Variants in LARP1B observed in about 807,000 individuals in gnomAD.
LARP1B encodes the protein la-related protein 1B.
A neutral mutation model predicts 114.2 loss-of-function variants in LARP1B; 76 were observed. That is an observed-to-expected ratio of 0.67 (90% CI 0.55 to 0.81). The LOEUF (loss-of-function observed/expected upper bound fraction) is 0.81, where lower values mean the gene tolerates loss of function less well. LARP1B is among the 30% of genes least tolerant of loss of function. The probability of loss-of-function intolerance (pLI) is 0.00; values close to 1 mark genes in which losing one functional copy is unlikely to be tolerated. For synonymous variants in LARP1B, 345 were observed against 348.0 expected (o/e 0.99, Z 0.10); for missense variants, 1,014 against 1,075.8 (o/e 0.94, Z 0.80).
At chr4:128,220,338 AT>A in intron 6 of LARP1B, 1 of 930,802 alleles carries the variant, frequency 1.1e-6, no homozygotes, top group Non-Finnish European at 1.3e-6. Context: ...TATTATTTTT[AT>A]TTTATTCTTG....
intron 1 of LARP1B, among the ~76,000 whole-genome samples, chr4:128,070,853 A>G (rs1765009979): frequency 6.6e-6 from 1 of 151,776 alleles, no homozygotes; most frequent in Non-Finnish European, 1.5e-5. Flanking sequence ...TAGTTGATTT[A>G]GAGATTTACC....
chr4:128,192,994 C>G (rs988631422), intron 15 of LARP1B, among the ~76,000 whole-genome samples: 1 of 152,066 alleles, frequency 6.6e-6, no homozygotes, highest in Non-Finnish European at 1.5e-5. Flanking sequence ...CAATAGCTGG[C>G]TAATTTTTAA....
At chr4:128,062,296 C>G (rs1002439157) in intron 1 of LARP1B, 1 of 984,816 alleles carries the variant, frequency 1.0e-6, no homozygotes, top group African/African-American at 1.7e-5. Context: ...CGCGTGGCGG[C>G]GGTAGCGGGC....
In LARP1B at chr4:128,199,555, T is replaced by A; in HGVS notation, c.2120T>A (p.Phe707Tyr). The stretch of plus-strand genomic sequence containing the variant: ...CATGAACTTTTGAAGGAAAATGGCT[T>A]TACCCAACAAGTGTACCACAAGTAT... ...PSHELLKENGFTQQVYHKYRR... is the reference protein window; with the variant it reads ...PSHELLKENGYTQQVYHKYRR... The change falls in exon 16 of 20, where the codon TTT becomes TAT. Residue 707 changes from phenylalanine to tyrosine, a missense_variant. Transcript: ENST00000326639. The A allele has an allele frequency of 6.3e-7, 1 of 1,597,688 alleles. No individual in the cohort carries two copies. Among genetic ancestry groups the A allele is most frequent in the Non-Finnish European group, 8.5e-7 (1 of 1,171,184 alleles).
chr4:128,156,210 C>T (rs1194880215), intron 11 of LARP1B: 3 of 1,585,658 alleles, frequency 1.9e-6, no homozygotes, highest in Non-Finnish European at 2.6e-6. Context: ...TGTGAGGCAC[C>T]CGAGCCTTAC....
chr4:128,115,154 T>C (rs1785367072), intron 10 of LARP1B, among the ~76,000 whole-genome samples: 1 of 152,158 alleles, frequency 6.6e-6, no homozygotes, highest in Non-Finnish European at 1.5e-5. Context: ...GTCAGGCTGG[T>C]CTTGAACTCC....
At chr4:128,107,817 T>C in intron 9 of LARP1B, 1 of 1,531,514 alleles carries the variant, frequency 6.5e-7, no homozygotes, top group Non-Finnish European at 8.7e-7. Context: ...ATGTTAATAA[T>C]TTTTTCCTGG....
chr4:128,178,637 G>A lies in LARP1B; in HGVS notation c.1891G>A (p.Val631Ile). 1.2e-6 allele frequency: 2 copies of A among 1,611,420 alleles called. No homozygotes were observed. The highest frequency in any genetic ancestry group is 2.2e-5 in the South Asian group (2 of 90,960). ...TGTTAAAGAACCAAAAGCCATTGATGTAAAGGTATACAAAACAACCAGGAA... is the reference window on the plus strand; with the variant it reads ...TGTTAAAGAACCAAAAGCCATTGATATAAAGGTATACAAAACAACCAGGAA... ...PVVKEPKAID[V>I]KSPRKRKTRH... Residue 631 changes from valine (V) to isoleucine (I), a missense_variant, in exon 14 of 20, where the codon GTA (valine) becomes ATA (isoleucine). Transcript: ENST00000326639.
At chr4:128,061,558 A>C (rs1363377232) in intron 1 of LARP1B, 157 bp downstream of exon 1, 5 of 455,396 alleles carry the variant, frequency 1.1e-5, no homozygotes, top group Non-Finnish European at 1.4e-5. Flanking sequence ...GGGCGGCGGC[A>C]GCGGCGGCCA....
At chr4:128,150,292 CTTT>C (rs5861846) in intron 11 of LARP1B, among the ~76,000 whole-genome samples, 2 of 134,986 alleles carry the variant, frequency 1.5e-5, no homozygotes, top group East Asian at 2.2e-4. Context: ...TAATTTTTTT[CTTT>C]TTTTTTTTTT....
At chr4:128,167,003 CAT>C (rs758122309) in intron 12 of LARP1B, among the ~76,000 whole-genome samples, 22 of 144,420 alleles carry the variant, frequency 1.5e-4, no homozygotes, top group African/African-American at 5.4e-4. Context: ...TACACACACA[CAT>C]ATATATACAT....
intron 7 of LARP1B, chr4:128,092,807 T>C: frequency 1.5e-5 from 15 of 985,448 alleles, no homozygotes; most frequent in Non-Finnish European, 1.8e-5. Flanking sequence ...AAGGGCCTTT[T>C]TGTGGGCAGA....
At chr4:128,084,728 T>C (rs940228898) in intron 5 of LARP1B, among the ~76,000 whole-genome samples, 1 of 151,628 alleles carries the variant, frequency 6.6e-6, no homozygotes, top group African/African-American at 2.4e-5. Context: ...TGTCCCATTA[T>C]TGAAGATACT....
intron 15 of LARP1B, among the ~76,000 whole-genome samples, chr4:128,184,125 A>G (rs963958437): frequency 6.6e-6 from 1 of 152,248 alleles, no homozygotes; most frequent in African/African-American, 2.4e-5. Flanking sequence ...AGAATATTAT[A>G]TAAAGCAGTG....
At chr4:128,109,348 T>C (rs1324521523) in intron 9 of LARP1B, among the ~76,000 whole-genome samples, 3 of 152,282 alleles carry the variant, frequency 2.0e-5, no homozygotes, top group Middle Eastern at 3.4e-3. Flanking sequence ...CATAACTCTT[T>C]ATGATTTCTG....
At chr4:128,110,079 T>C (rs528927686) in intron 9 of LARP1B, among the ~76,000 whole-genome samples, 1 of 152,094 alleles carries the variant, frequency 6.6e-6, no homozygotes, top group East Asian at 1.9e-4. Flanking sequence ...TATTTTTGTA[T>C]TTTTAGTAGA....
intron 11 of LARP1B, among the ~76,000 whole-genome samples, chr4:128,124,121 T>C (rs924616861): frequency 3.0e-4 from 45 of 152,342 alleles, no homozygotes; most frequent in Admixed American, 2.9e-3. Context: ...GTGCTTACTA[T>C]GTGCCAGACA....
chr4:128,061,995 G>A (rs1331940945), intron 1 of LARP1B: 1 of 985,026 alleles, frequency 1.0e-6, no homozygotes, highest in Admixed American at 6.2e-5. Flanking sequence ...GGCCCTTTCG[G>A]CGGGGAGCCG....
intron 5 of LARP1B, among the ~76,000 whole-genome samples, chr4:128,088,640 A>G (rs970698929): frequency 6.6e-6 from 1 of 152,058 alleles, no homozygotes; most frequent in Non-Finnish European, 1.5e-5. Context: ...TGCAGACTAC[A>G]CTCTGTGAGT....
Sources: gnomAD v4.1 joint callset for allele counts (sites outside exome capture counted in the v4.1 genomes callset) on GRCh38, gnomAD v4.1.1 for gene constraint, MANE v1.5 for transcripts, NCBI Gene and HGNC (gene_info 2026-07-23, HGNC 2026-07-21) for gene names.